Variants in KAZN observed in about 807,000 individuals in gnomAD.
The protein encoded by KAZN is kazrin, periplakin interacting protein, also known as kazrin.
KAZN carries 40 observed loss-of-function variants against 87.4 expected under a neutral mutation model. The ratio of observed to expected loss-of-function variants is 0.46; its 90% CI spans 0.36 to 0.60. The LOEUF (loss-of-function observed/expected upper bound fraction) is 0.60. Ranked by LOEUF, KAZN falls within the 20% of genes least tolerant of loss-of-function variation. The pLI is 0.00. For missense variants in KAZN, 898 were observed against 1,073.9 expected, an observed-to-expected ratio of 0.84 and a Z score of 2.29; for synonymous variants, 466 against 458.3, an observed-to-expected ratio of 1.02 and a Z score of -0.22.
chr1:14,678,821 T>A (rs1163567878), intron 1 of KAZN, among the ~76,000 whole-genome samples: 1 of 152,174 alleles, frequency 6.6e-6, no homozygotes, highest in Non-Finnish European at 1.5e-5. Flanking sequence ...GGATATAATA[T>A]AGCCCTTATG....
At position 15,112,524 on chromosome 1, in the gene KAZN, A is replaced by T. The variant is rs1252339969; in HGVS notation, c.2146A>T (p.Lys716Ter). 4 of 1,601,096 alleles carry T rather than the reference A, an allele frequency of 2.5e-6. No individual in the cohort carries two copies. The highest frequency in any genetic ancestry group is 3.4e-6 in the Non-Finnish European group (4 of 1,173,494). ...AAAGGAGGAGAACAGCAGCGGTCTC[A>T]AGTACAAGGCTGGCCGGGTAAGTCT... ...AGKEENSSGL[K>*]YKAGRLPLGK... The change falls in exon 14 of 15, where the codon AAG (lysine) becomes TAG (stop). Residue 716 changes from lysine (K) to a stop codon, truncating the protein, a stop_gained. Transcript: ENST00000376030. LOFTEE classifies it high-confidence loss of function.
chr1:14,668,950 G>T (rs1340342499), intron 1 of KAZN, among the ~76,000 whole-genome samples: 2 of 152,214 alleles, frequency 1.3e-5, no homozygotes, highest in South Asian at 2.1e-4. Flanking sequence ...TAGAAACCAT[G>T]CAGAGACCCC....
intron 1 of KAZN, among the ~76,000 whole-genome samples, chr1:14,874,466 CTGACTGGATGGA>C (rs1652519082): frequency 1.4e-5 from 2 of 138,028 alleles, no homozygotes; most frequent in South Asian, 2.4e-4. Flanking sequence ...AGCTAGCTGG[CTGACTGGATGGA>C]TGGATGGATG....
chr1:14,207,197 C>T (rs542898529), intron 2 of KAZN, among the ~76,000 whole-genome samples: 37 of 152,232 alleles, frequency 2.4e-4, no homozygotes, highest in African/African-American at 8.7e-4. Flanking sequence ...CTCCTGACCT[C>T]AGGTGATCTG....
intron 1 of KAZN, among the ~76,000 whole-genome samples, chr1:14,832,480 G>A (rs11583895): frequency 0.21 from 31,193 of 152,062 alleles, 4,196 homozygotes; most frequent in African/African-American, 0.38. Flanking sequence ...GATTGGATCA[G>A]TTTTGATCTT....
intron 1 of KAZN, among the ~76,000 whole-genome samples, chr1:14,878,320 G>T (rs544495560): frequency 5.9e-5 from 9 of 152,054 alleles, no homozygotes; most frequent in South Asian, 2.1e-4. Flanking sequence ...GGGGGTGGCT[G>T]TCCTGTGCAT....
intron 1 of KAZN, among the ~76,000 whole-genome samples, chr1:14,147,662 G>A (rs1014121783): frequency 2.6e-5 from 4 of 151,878 alleles, no homozygotes; most frequent in Admixed American, 6.6e-5. Context: ...TGGGCATGGC[G>A]GCACGCACCT....
chr1:14,374,383 C>T (rs1363881695), intron 2 of KAZN, among the ~76,000 whole-genome samples: 1 of 152,200 alleles, frequency 6.6e-6, no homozygotes, highest in Non-Finnish European at 1.5e-5. Context: ...GTCTCAAGTA[C>T]CATCCCTGTG....
chr1:15,112,396 C>G, intron 13 of KAZN, 31 bp from the exon 14 acceptor site: 1 of 1,314,846 alleles, frequency 7.6e-7, no homozygotes, highest in Non-Finnish European at 1.1e-6. Context: ...ACTGAGCCTC[C>G]CCTGCTGACT....
At chr1:14,510,302 C>A (rs1234206536) in intron 2 of KAZN, among the ~76,000 whole-genome samples, 1 of 151,046 alleles carries the variant, frequency 6.6e-6, no homozygotes, top group African/African-American at 2.4e-5. Flanking sequence ...TGCTTGAACC[C>A]AGGGGGTGGA....
chr1:14,168,226 G>A (rs939451491), intron 1 of KAZN, among the ~76,000 whole-genome samples: 2 of 152,150 alleles, frequency 1.3e-5, no homozygotes, highest in East Asian at 1.9e-4. Flanking sequence ...TTATTGTAAC[G>A]CATTTTCTTG....
At chr1:14,601,755 G>A (rs1180187533) in intron 1 of KAZN, among the ~76,000 whole-genome samples, 1 of 152,148 alleles carries the variant, frequency 6.6e-6, no homozygotes, top group Admixed American at 6.5e-5. Context: ...AGTTCAATGG[G>A]CCCAGACCCT....
intron 2 of KAZN, among the ~76,000 whole-genome samples, chr1:14,446,800 G>T (rs1424470303): frequency 6.6e-6 from 1 of 152,102 alleles, no homozygotes; most frequent in East Asian, 1.9e-4. Context: ...CTGTGGGATT[G>T]CTGGGGCTTG....
intron 4 of KAZN, among the ~76,000 whole-genome samples, chr1:15,046,128 T>C (rs1454499606): frequency 6.6e-6 from 1 of 152,062 alleles, no homozygotes; most frequent in Admixed American, 6.5e-5. Context: ...TGTAACCTTG[T>C]CTCTACTAAA....
At chr1:14,986,612 C>T (rs1476726678) in intron 2 of KAZN, among the ~76,000 whole-genome samples, 3 of 152,040 alleles carry the variant, frequency 2.0e-5, no homozygotes, top group Non-Finnish European at 2.9e-5. Context: ...TGGTATGGGT[C>T]TCTAGCATGA....
chr1:14,642,922 C>G (rs1680515398), intron 1 of KAZN, among the ~76,000 whole-genome samples: 1 of 152,190 alleles, frequency 6.6e-6, no homozygotes, highest in African/African-American at 2.4e-5. Flanking sequence ...TTTATAGGAA[C>G]ATAAATTGGT....
At chr1:14,232,802 TAAAG>T (rs908453367) in intron 2 of KAZN, among the ~76,000 whole-genome samples, 19 of 151,940 alleles carry the variant, frequency 1.3e-4, no homozygotes, top group Non-Finnish European at 7.4e-5. Flanking sequence ...CATTTTAAAA[TAAAG>T]AAAAAATGAA....
At chr1:14,584,767 C>T (rs983243696) in intron 2 of KAZN, among the ~76,000 whole-genome samples, 1 of 152,116 alleles carries the variant, frequency 6.6e-6, no homozygotes, top group Non-Finnish European at 1.5e-5. Context: ...GCCTCAACCT[C>T]CCGAGTAGCT....
intron 8 of KAZN, among the ~76,000 whole-genome samples, chr1:15,069,158 C>T (rs544831982): frequency 1.3e-5 from 2 of 152,190 alleles, no homozygotes; most frequent in East Asian, 1.9e-4. Flanking sequence ...TGTGGCCACA[C>T]GCATGCCCCT....
Sources: allele counts gnomAD v4.1 joint callset (sites outside exome capture counted in the v4.1 genomes callset), GRCh38; gene constraint gnomAD v4.1.1; transcripts MANE v1.5; gene names NCBI Gene and HGNC (gene_info 2026-07-23, HGNC 2026-07-21).